The following KCNMA1 variants were observed in gnomAD, a reference collection of about 807,000 sequenced individuals.
KCNMA1 encodes potassium calcium-activated channel subfamily M alpha 1.
KCNMA1 carries 29 observed loss-of-function variants against 140.0 expected under a neutral mutation model. The observed-to-expected ratio is 0.21, with a 90% CI of 0.15 to 0.28. The LOEUF is 0.28. Ranked by LOEUF, KCNMA1 falls within the 10% of genes least tolerant of loss-of-function variation. The pLI, the probability that KCNMA1 is intolerant of heterozygous loss-of-function variation, is 1.00. For synonymous variants in KCNMA1, 612 were observed against 611.9 expected (o/e 1.00, Z 0.00); for missense variants, 880 against 1,602.2 (o/e 0.55, Z 7.70).
At chr10:77,099,449 T>C (rs1178434673) in intron 9 of KCNMA1, among the ~76,000 whole-genome samples, 1 of 152,134 alleles carries the variant, frequency 6.6e-6, no homozygotes, top group Non-Finnish European at 1.5e-5. Context: ...CATCTGTTAG[T>C]CACACAGGGA....
intron 5 of KCNMA1, among the ~76,000 whole-genome samples, chr10:77,163,496 G>A (rs191093808): frequency 6.6e-6 from 1 of 152,282 alleles, no homozygotes; most frequent in Non-Finnish European, 1.5e-5. Context: ...TGTTCACTCA[G>A]TGGCTATTTA....
At chr10:77,050,803 C>G (rs1169926091) in intron 14 of KCNMA1, among the ~76,000 whole-genome samples, 1 of 152,106 alleles carries the variant, frequency 6.6e-6, no homozygotes, top group Non-Finnish European at 1.5e-5. Context: ...CGATTACAGC[C>G]TAAAGGATTT....
chr10:77,403,095 G>A (rs2096332490), intron 2 of KCNMA1, among the ~76,000 whole-genome samples: 1 of 152,164 alleles, frequency 6.6e-6, no homozygotes, highest in South Asian at 2.1e-4. Flanking sequence ...GGCAAACTGG[G>A]ATGGTTGATC....
chr10:77,110,156 T>C lies in KCNMA1; in HGVS notation c.1131+17A>G. 1 of 1,606,740 alleles carries C rather than the reference T, an allele frequency of 6.2e-7. No homozygotes were observed. The highest frequency in any genetic ancestry group is 8.5e-7 in the Non-Finnish European group (1 of 1,173,328). Reference sequence around the variant, plus strand: ...ACAGCCATCAAAATCAACATCATAATAAAGATTTTTTTTTACCAGTCCCCC... The same window carrying C: ...ACAGCCATCAAAATCAACATCATAACAAAGATTTTTTTTTACCAGTCCCCC... On this transcript the variant is annotated intron_variant, in intron 8 of 27. Coordinates refer to ENST00000286628, the MANE Select transcript of KCNMA1 (RefSeq NM_001161352.2).
intron 1 of KCNMA1, among the ~76,000 whole-genome samples, chr10:77,445,365 G>GACAC (rs33995063): frequency 0.012 from 1,680 of 141,256 alleles, 27 homozygotes; most frequent in African/African-American, 0.027. Context: ...CACATACACA[G>GACAC]ACACACACAC....
At chr10:77,415,937 T>C (rs1412222802) in intron 1 of KCNMA1, among the ~76,000 whole-genome samples, 1 of 152,256 alleles carries the variant, frequency 6.6e-6, no homozygotes, top group Non-Finnish European at 1.5e-5. Flanking sequence ...AACATGTCCT[T>C]TTAATGAAAT....
At chr10:76,905,077 T>A (rs1028671940) in intron 25 of KCNMA1, 1 of 152,204 alleles carries the variant, frequency 6.6e-6, no homozygotes, top group Admixed American at 6.5e-5. Flanking sequence ...TTATATAAAA[T>A]CTTATTTTAA....
intron 1 of KCNMA1, among the ~76,000 whole-genome samples, chr10:77,513,858 G>A (rs1220774249): frequency 1.3e-5 from 2 of 152,212 alleles, no homozygotes; most frequent in East Asian, 3.9e-4. Context: ...CGGCCTGGGA[G>A]GAGGATCCTG....
chr10:77,166,133 T>A (rs1013643366), intron 5 of KCNMA1, among the ~76,000 whole-genome samples: 1 of 152,080 alleles, frequency 6.6e-6, no homozygotes. Flanking sequence ...AAACCAGAAG[T>A]ACTTGTACTA....
At chr10:77,270,917 CAT>C (rs897988934) in intron 2 of KCNMA1, among the ~76,000 whole-genome samples, 21 of 152,084 alleles carry the variant, frequency 1.4e-4, no homozygotes, top group African/African-American at 4.6e-4. Flanking sequence ...AAAAAAGAAA[CAT>C]ATAATATTAG....
intron 2 of KCNMA1, among the ~76,000 whole-genome samples, chr10:77,392,595 T>A (rs1423087195): frequency 6.6e-6 from 1 of 152,214 alleles, no homozygotes; most frequent in African/African-American, 2.4e-5. Context: ...AACCAACATA[T>A]GTCCAGCACA....
chr10:76,884,865 C>T, downstream of KCNMA1: 1 of 1,344,186 alleles, frequency 7.4e-7, no homozygotes, highest in South Asian at 1.8e-5. Context: ...AATAAACAAA[C>T]CAATAACAGA....
intron 13 of KCNMA1, among the ~76,000 whole-genome samples, chr10:77,073,517 T>C (rs940268138): frequency 1.3e-5 from 2 of 152,136 alleles, no homozygotes; most frequent in African/African-American, 4.8e-5. Context: ...CAGAGGGAAT[T>C]TCCTCTTGTG....
intron 1 of KCNMA1, among the ~76,000 whole-genome samples, chr10:77,603,001 G>A (rs2083157631): frequency 6.6e-6 from 1 of 152,228 alleles, no homozygotes; most frequent in South Asian, 2.1e-4. Flanking sequence ...CTGGCAGGAA[G>A]TGGGGCTGCA....
chr10:76,972,636 G>A (rs1279984529), intron 19 of KCNMA1, among the ~76,000 whole-genome samples: 1 of 152,212 alleles, frequency 6.6e-6, no homozygotes. Context: ...TTGCAACTCA[G>A]AAAGATCATC....
At chr10:77,544,448 G>A (rs1178402604) in intron 1 of KCNMA1, among the ~76,000 whole-genome samples, 1 of 152,114 alleles carries the variant, frequency 6.6e-6, no homozygotes, top group Admixed American at 6.6e-5. Context: ...CCAAGCTGCT[G>A]TCAAAATCTC....
chr10:77,131,236 G>C (rs2153986447), intron 5 of KCNMA1, among the ~76,000 whole-genome samples: 1 of 152,304 alleles, frequency 6.6e-6, no homozygotes, highest in East Asian at 1.9e-4. Context: ...GCATATCTCA[G>C]TACTCCCCAG....
intron 2 of KCNMA1, among the ~76,000 whole-genome samples, chr10:77,339,619 A>G (rs148887219): frequency 0.012 from 1,795 of 152,230 alleles, 36 homozygotes; most frequent in African/African-American, 0.041. Context: ...GTTTCCCTCC[A>G]CTAGGGGAGG....
At chr10:77,370,051 C>T (rs1214687749) in intron 2 of KCNMA1, among the ~76,000 whole-genome samples, 1 of 152,128 alleles carries the variant, frequency 6.6e-6, no homozygotes, top group East Asian at 1.9e-4. Flanking sequence ...GACATATTGC[C>T]CCCCAAAATA....
Sources: allele counts gnomAD v4.1 joint callset (sites outside exome capture counted in the v4.1 genomes callset), GRCh38; gene constraint gnomAD v4.1.1; transcripts MANE v1.5; gene names NCBI Gene and HGNC (gene_info 2026-07-23, HGNC 2026-07-21).